PCYT1B: variants seen among roughly 807,000 people sequenced by gnomAD.
PCYT1B encodes the protein choline-phosphate cytidylyltransferase B.
Under a neutral mutation model 26.4 loss-of-function variants are expected in PCYT1B, and 10 were observed. The ratio of observed to expected loss-of-function variants is 0.38; its 90% CI spans 0.23 to 0.64. The LOEUF is 0.64. PCYT1B is among the 30% of genes least tolerant of loss of function. The pLI is 0.56. For synonymous variants in PCYT1B, 131 were observed against 108.4 expected (o/e 1.21, Z -1.29); for missense variants, 161 against 292.7 (o/e 0.55, Z 3.28).
At chrX:24,624,401 T>C (rs1190039003) in intron 1 of PCYT1B, among the ~76,000 whole-genome samples, 1 of 112,523 alleles carries the variant, frequency 8.9e-6, no homozygotes, top group Non-Finnish European at 1.9e-5. Context: ...TCTTAACCTC[T>C]CAAGCCTTAG....
rs1025082508 is a variant in PCYT1B, at chrX:24,612,654, G to C, written c.218-4793C>G. 6.2e-5 allele frequency among the ~76,000 whole-genome samples: 7 copies of C among 112,309 alleles called. No homozygotes were observed. The South Asian group carries it at 1.1e-3, about 18-fold the overall frequency. On this transcript the variant is annotated intron_variant, in intron 2 of 7. Transcript: ENST00000379144. ...AATTGGCCATACCAAGTGATGGTGAGAATGCAGAGCAACTGGAATGCTCAT... is the reference window on the plus strand; with the variant it reads ...AATTGGCCATACCAAGTGATGGTGACAATGCAGAGCAACTGGAATGCTCAT...
intron 6 of PCYT1B, among the ~76,000 whole-genome samples, chrX:24,577,232 C>T (rs757665136): frequency 2.7e-5 from 3 of 111,560 alleles, no homozygotes; most frequent in South Asian, 3.8e-4. Flanking sequence ...TTTGTCTACA[C>T]GCCCATGCAA....
At chrX:24,627,137 T>C (rs531101900) in intron 1 of PCYT1B, among the ~76,000 whole-genome samples, 1 of 112,061 alleles carries the variant, frequency 8.9e-6, no homozygotes, top group South Asian at 3.7e-4. Flanking sequence ...GCCAAGGCCA[T>C]GAGGCATGAA....
intron 1 of PCYT1B, among the ~76,000 whole-genome samples, chrX:24,670,113 AAAGGAAGGAAGGAAGG>A (rs749240285): frequency 4.2e-5 from 1 of 23,599 alleles, no homozygotes; most frequent in Admixed American, 7.4e-4. Flanking sequence ...AGAAAGAAAG[AAAGGAAGGAAGGAAGG>A]AAGGAAGGAA....
rs183276317 is a variant in PCYT1B, at chrX:24,571,320, C to T, written c.897+3810G>A. On this transcript the variant is annotated intron_variant, in intron 7 of 7. Coordinates refer to ENST00000379144, the MANE Select transcript of PCYT1B (RefSeq NM_004845.5). ...CAGAGATTGCAGTGAACCGAGATCG[C>T]GCCATTGCATTCCACCTGGGGTGAC... 6.3e-5 allele frequency among the ~76,000 whole-genome samples: 7 copies of T among 111,232 alleles called. No homozygotes were observed. In the East Asian group the frequency reaches 8.4e-4, roughly 13 times the overall value.
At position 24,666,437 on chromosome X, in the gene PCYT1B, G is replaced by T. The variant is rs768066930; in HGVS notation, c.63+6133C>A. ...GGTACTATTAAAAATTATCATGTTA[G>T]TCTTTGCTTCCAAAAGAAATTATCA... On this transcript the variant is annotated intron_variant, in intron 1 of 7. Transcript: ENST00000379145. Among the ~76,000 whole-genome samples, 4 of 111,782 alleles carry T rather than the reference G, an allele frequency of 3.6e-5. No homozygotes were observed. The South Asian group carries it at 1.5e-3, about 42-fold the overall frequency.
At chrX:24,569,172 A>G (rs1923737192) in intron 7 of PCYT1B, among the ~76,000 whole-genome samples, 1 of 111,253 alleles carries the variant, frequency 9.0e-6, no homozygotes, top group African/African-American at 3.3e-5. Context: ...TCAGGTGGGA[A>G]ATCTAATGCA....
chrX:24,573,707 T>C (rs1923929132), intron 7 of PCYT1B, among the ~76,000 whole-genome samples: 2 of 111,797 alleles, frequency 1.8e-5, no homozygotes. Context: ...ACTTTGTCTG[T>C]TTTTATGTTC....
At chrX:24,563,006 C>T (rs370087333) in intron 7 of PCYT1B, among the ~76,000 whole-genome samples, 16 of 111,216 alleles carry the variant, frequency 1.4e-4, no homozygotes, top group African/African-American at 5.2e-4. Context: ...GGATTACAGG[C>T]GTGAGCCACC....
chrX:24,605,052 A>G (rs1287452533), intron 3 of PCYT1B, among the ~76,000 whole-genome samples: 1 of 111,733 alleles, frequency 8.9e-6, no homozygotes, highest in Admixed American at 9.5e-5. Context: ...TTCAGCTTCT[A>G]GAGTTTGAGA....
At chrX:24,576,493 C>T (rs757462225) in intron 6 of PCYT1B, among the ~76,000 whole-genome samples, 5 of 110,456 alleles carry the variant, frequency 4.5e-5, no homozygotes, top group African/African-American at 9.9e-5. Context: ...TTAGTAGGGA[C>T]GGGGTTTCAC....
intron 1 of PCYT1B, among the ~76,000 whole-genome samples, chrX:24,667,946 G>C (rs914108426): frequency 1.8e-5 from 2 of 111,726 alleles, no homozygotes; most frequent in African/African-American, 6.5e-5. Flanking sequence ...CATATCCTTT[G>C]ATGCTCACTG....
At chrX:24,576,034 G>A (rs897191188) in intron 6 of PCYT1B, among the ~76,000 whole-genome samples, 2 of 111,986 alleles carry the variant, frequency 1.8e-5, no homozygotes, top group African/African-American at 6.5e-5. Context: ...TGTAAATTGG[G>A]GATAATAATC....
At chrX:24,663,790 G>T (rs1365461177) in intron 1 of PCYT1B, among the ~76,000 whole-genome samples, 1 of 111,024 alleles carries the variant, frequency 9.0e-6, no homozygotes, top group Admixed American at 9.7e-5. Context: ...GTGGTGGCGG[G>T]CACTTGTGAT....
chrX:24,596,908 T>C (rs1381041856), intron 3 of PCYT1B, among the ~76,000 whole-genome samples: 1 of 110,996 alleles, frequency 9.0e-6, no homozygotes, highest in Admixed American at 9.7e-5. Flanking sequence ...GTAAGCATTT[T>C]ACATGTTGAC....
intron 1 of PCYT1B, among the ~76,000 whole-genome samples, chrX:24,654,020 G>C (rs1187645869): frequency 3.7e-5 from 4 of 107,106 alleles, no homozygotes; most frequent in African/African-American, 1.0e-4. Flanking sequence ...GCCTCCCAAA[G>C]TGCTGGGATT....
At chrX:24,577,822 T>C (rs1041512639) in intron 6 of PCYT1B, among the ~76,000 whole-genome samples, 4 of 112,070 alleles carry the variant, frequency 3.6e-5, no homozygotes, top group Admixed American at 9.5e-5. Flanking sequence ...GTTCTTATTT[T>C]AATCAAAGAT....
At chrX:24,669,381 G>C (rs1451620998) in intron 1 of PCYT1B, among the ~76,000 whole-genome samples, 1 of 108,553 alleles carries the variant, frequency 9.2e-6, no homozygotes, top group Non-Finnish European at 1.9e-5. Context: ...GCTGGGCATG[G>C]TGGTGGGTGC....
intron 1 of PCYT1B, among the ~76,000 whole-genome samples, chrX:24,656,403 A>G (rs185437312): frequency 3.0e-3 from 330 of 109,759 alleles, no homozygotes; most frequent in African/African-American, 0.01. Flanking sequence ...GAAACTGCGC[A>G]GACCCAACAT....
Sources: gnomAD v4.1 joint callset for allele counts (sites outside exome capture counted in the v4.1 genomes callset) on GRCh38, gnomAD v4.1.1 for gene constraint, MANE v1.5 for transcripts, NCBI Gene and HGNC (gene_info 2026-07-23, HGNC 2026-07-21) for gene names.